Variants in COL22A1 observed in about 807,000 individuals in gnomAD.
COL22A1 encodes collagen type XXII alpha 1 chain.
Under a neutral mutation model 248.9 loss-of-function variants are expected in COL22A1, and 221 were observed. That is an observed-to-expected ratio of 0.89 (90% confidence interval 0.80 to 0.99). The LOEUF is 0.99. COL22A1 is among the 50% of genes least tolerant of loss of function. COL22A1 has a pLI of 0.00. For synonymous variants in COL22A1, 891 were observed against 793.4 expected (o/e 1.12, Z -2.07); for missense variants, 2,240 against 2,179.0 (o/e 1.03, Z -0.56).
chr8:138,710,270 A>G (rs889442807), intron 30 of COL22A1, among the ~76,000 whole-genome samples: 2 of 152,322 alleles, frequency 1.3e-5, no homozygotes, highest in Middle Eastern at 6.8e-3. Flanking sequence ...GTGAGTGGAT[A>G]CAGTTTCCAA....
intron 41 of COL22A1, among the ~76,000 whole-genome samples, chr8:138,672,421 G>A (rs1231476004): frequency 6.6e-6 from 1 of 152,108 alleles, no homozygotes; most frequent in South Asian, 2.1e-4. Context: ...TCCTTGGAAG[G>A]TGGGGGGATG....
Position 138,762,388 on chromosome 8 carries a change from C to T in COL22A1, c.1857+25G>A, listed in dbSNP as rs760811218. ...TCCTCTGACCGCTGATGAAACCTAG[C>T]CCAACAGCGCCAGCACCCACCTACC... On this transcript the variant is annotated intron_variant, in intron 17 of 64. Coordinates refer to ENST00000303045, the MANE Select transcript of COL22A1 (RefSeq NM_152888.3). The T allele has an allele frequency of 3.1e-6, 5 of 1,612,696 alleles. No homozygotes were observed. In the African/African-American group the frequency reaches 5.3e-5, roughly 17 times the overall value.
At chr8:138,808,288 T>C (rs1275900744) in intron 9 of COL22A1, among the ~76,000 whole-genome samples, 17 of 152,196 alleles carry the variant, frequency 1.1e-4, no homozygotes, top group Non-Finnish European at 2.5e-4. Flanking sequence ...TTCCACATTG[T>C]ATACATGTAT....
At chr8:138,625,112 A>G (rs1820129313) in intron 51 of COL22A1, among the ~76,000 whole-genome samples, 1 of 152,212 alleles carries the variant, frequency 6.6e-6, no homozygotes. Context: ...CCATTACACC[A>G]ATAGAAATGC....
At chr8:138,613,761 T>C in intron 56 of COL22A1, 106 bp downstream of exon 56, 1 of 1,092,432 alleles carries the variant, frequency 9.2e-7, no homozygotes, top group South Asian at 1.2e-5. Flanking sequence ...CATATTACAA[T>C]TTTTTAACAA....
At chr8:138,888,693 C>T (rs1824841097) in intron 1 of COL22A1, among the ~76,000 whole-genome samples, 1 of 152,140 alleles carries the variant, frequency 6.6e-6, no homozygotes, top group South Asian at 2.1e-4. Flanking sequence ...AAAAATGGAA[C>T]ACATAAGGGC....
intron 22 of COL22A1, among the ~76,000 whole-genome samples, chr8:138,740,547 G>A (rs190516920): frequency 6.6e-6 from 1 of 152,278 alleles, no homozygotes; most frequent in Non-Finnish European, 1.5e-5. Flanking sequence ...GTTGACAACA[G>A]GACTTGTAAA....
chr8:138,781,560 C>T (rs754395166), intron 12 of COL22A1, among the ~76,000 whole-genome samples: 28 of 152,322 alleles, frequency 1.8e-4, no homozygotes, highest in Admixed American at 7.8e-4. Context: ...CTGGGACAAA[C>T]TTCTTTCTAA....
chr8:138,663,188 G>T lies in COL22A1; in HGVS notation c.3186+517C>A, dbSNP rs1427536611. ...AGGAAATCGCATTTTCCCAGTAAAT[G>T]CACGCACAGGCATGTCATGGATGGT... On this transcript the variant is annotated intron_variant, in intron 42 of 64. Transcript: ENST00000303045. Among the ~76,000 whole-genome samples the T allele has an allele frequency of 2.0e-5, 3 of 152,328 alleles. No individual in the cohort carries two copies. In the East Asian group the frequency reaches 5.8e-4, roughly 29 times the overall value.
intron 32 of COL22A1, among the ~76,000 whole-genome samples, chr8:138,699,552 G>A (rs1053318475): frequency 6.6e-6 from 1 of 152,212 alleles, no homozygotes; most frequent in East Asian, 1.9e-4. Flanking sequence ...AGAGGAAAAA[G>A]GTTTCTAGAC....
rs541235934 is a variant in COL22A1 at position 138,706,637 on chromosome 8, A to G, written c.2518-3290T>C. Among the ~76,000 whole-genome samples the G allele has an allele frequency of 1.4e-3, 206 of 152,316 alleles. 1 individual carries two copies. The highest frequency in any genetic ancestry group is 4.6e-3 in the African/African-American group (191 of 41,574). ...AGAATCTCTGGGACACATTCAAAGC[A>G]GTGTGTAAAGGGAAATTTATAGCAC... On this transcript the variant is annotated intron_variant, in intron 30 of 64. Coordinates refer to ENST00000303045, the MANE Select transcript of COL22A1 (RefSeq NM_152888.3).
In COL22A1 at chr8:138,699,528, C is replaced by A. The variant is rs568737054; in HGVS notation, c.2592+584G>T. ...CTGAAAACACCTATTTTCTGAAGAG[C>A]CATTCGTGAAAAGAGAGGAAAAAGG... On this transcript the variant is annotated intron_variant, in intron 32 of 64. Transcript: ENST00000303045. Among the ~76,000 whole-genome samples the A allele has an allele frequency of 4.6e-5, 7 of 152,312 alleles. No individual in the cohort carries two copies. In the South Asian group the frequency reaches 1.5e-3, roughly 32 times the overall value.
chr8:138,877,694 G>A, intron 3 of COL22A1, 56 bp downstream of exon 3: 1 of 1,486,546 alleles, frequency 6.7e-7, no homozygotes, highest in Non-Finnish European at 9.0e-7. Context: ...CCTCCCGTGG[G>A]CTCAGCAGGG....
Position 138,755,621 on chromosome 8 carries a change from G to C in COL22A1, c.1948-110C>G. On this transcript the variant is annotated intron_variant, in intron 19 of 64. Coordinates refer to ENST00000303045, the MANE Select transcript of COL22A1 (RefSeq NM_152888.3). ...TTCACAGGCCATGCTGTCATGTCGTGCCTCCTGACTTTTCTCTGATTCTGC... is the reference window on the plus strand; with the variant it reads ...TTCACAGGCCATGCTGTCATGTCGTCCCTCCTGACTTTTCTCTGATTCTGC... 5 of 1,374,336 alleles carry C rather than the reference G, an allele frequency of 3.6e-6. No homozygotes were observed. The South Asian group carries it at 5.8e-5, about 16-fold the overall frequency. The allele number at this position is 1,374,336 out of a possible 1,614,324, so 85.1% of individuals were successfully genotyped here.
chr8:138,822,662 G>A (rs573186576), intron 6 of COL22A1, among the ~76,000 whole-genome samples: 4 of 152,146 alleles, frequency 2.6e-5, no homozygotes, highest in East Asian at 1.9e-4. Flanking sequence ...ACTTCTTCTC[G>A]GCTCCTGGAC....
At chr8:138,686,422 G>A (rs1826358861) in intron 37 of COL22A1, among the ~76,000 whole-genome samples, 1 of 152,174 alleles carries the variant, frequency 6.6e-6, no homozygotes, top group Non-Finnish European at 1.5e-5. Flanking sequence ...CAATCACAGT[G>A]TTTCCAGACA....
At chr8:138,657,205 C>A (rs1475770773) in intron 44 of COL22A1, among the ~76,000 whole-genome samples, 4 of 152,220 alleles carry the variant, frequency 2.6e-5, no homozygotes, top group Non-Finnish European at 5.9e-5. Context: ...AAGCCAAGGC[C>A]AACACCTCCC....
At chr8:138,765,462 C>G (rs35186067) in intron 16 of COL22A1, among the ~76,000 whole-genome samples, 24 of 152,032 alleles carry the variant, frequency 1.6e-4, no homozygotes, top group African/African-American at 5.8e-4. Flanking sequence ...TTCCTTGTGA[C>G]AGGCCACCCT....
chr8:138,700,204 T>G, intron 31 of COL22A1, 60 bp from the exon 32 acceptor site: 1 of 1,526,630 alleles, frequency 6.6e-7, no homozygotes, highest in Non-Finnish European at 9.0e-7. Flanking sequence ...TGTTTCATTT[T>G]TAAAACCTGC....
Sources: gnomAD v4.1 joint callset for allele counts (sites outside exome capture counted in the v4.1 genomes callset) on GRCh38, gnomAD v4.1.1 for gene constraint, MANE v1.5 for transcripts, NCBI Gene and HGNC (gene_info 2026-07-23, HGNC 2026-07-21) for gene names.